The following ZNF410 variants were observed in gnomAD, a reference collection of about 807,000 sequenced individuals.
The protein encoded by ZNF410 is another partner for ARF 1.
ZNF410 carries 18 observed loss-of-function variants against 54.8 expected under a neutral mutation model. The ratio of observed to expected loss-of-function variants is 0.33; its 90% confidence interval spans 0.23 to 0.49. The LOEUF is 0.49. Ranked by LOEUF, ZNF410 falls within the 20% of genes least tolerant of loss-of-function variation. The probability of loss-of-function intolerance (pLI) is 0.99; values close to 1 mark genes in which losing one functional copy is unlikely to be tolerated. For synonymous variants in ZNF410, 191 were observed against 207.3 expected, an observed-to-expected ratio of 0.92 and a Z score of 0.68; for missense variants, 405 against 569.6, an observed-to-expected ratio of 0.71 and a Z score of 2.94.
chr14:73,908,826 C>G (rs999760237), intron 7 of ZNF410, among the ~76,000 whole-genome samples: 56 of 115,502 alleles, frequency 4.8e-4, no homozygotes, highest in African/African-American at 1.6e-3. Flanking sequence ...ATAGAGACTG[C>G]ATCTTTTTTG....
At chr14:73,912,416 C>T (rs1175133866) in intron 8 of ZNF410, among the ~76,000 whole-genome samples, 3 of 152,082 alleles carry the variant, frequency 2.0e-5, no homozygotes, top group Non-Finnish European at 2.9e-5. Flanking sequence ...CTCTGCCTGC[C>T]TTGGCCTCCC....
rs2055265237 is a variant in ZNF410, at chr14:73,893,629, C to A, written c.34-168C>A. 4 of 754,276 alleles carry A rather than the reference C, an allele frequency of 5.3e-6. No individual in the cohort carries two copies. In the South Asian group the frequency reaches 1.3e-4, roughly 25 times the overall value. 46.7% of individuals were successfully genotyped at this position (754,276 alleles called of 1,614,324 possible). ...TGACTTTATATAAATCAGCTGTTCT[C>A]TAGAACAGAGAACTTGATAAAATAA... On this transcript the variant is annotated intron_variant, in intron 2 of 11. Coordinates refer to ENST00000555044, the MANE Select transcript of ZNF410 (RefSeq NM_021188.3).
chr14:73,896,650 G>A (rs761714817), intron 4 of ZNF410, 116 bp downstream of exon 4: 9 of 810,958 alleles, frequency 1.1e-5, no homozygotes, highest in African/African-American at 1.7e-5. Context: ...TATTATTTTG[G>A]AGAATTGGTG....
At chr14:73,894,673 C>T (rs560427276) in intron 3 of ZNF410, among the ~76,000 whole-genome samples, 15 of 152,192 alleles carry the variant, frequency 9.9e-5, no homozygotes, top group South Asian at 4.2e-4. Context: ...GTGATCAGTC[C>T]GCCTTGGCCT....
intron 2 of ZNF410, chr14:73,893,562 C>T: frequency 2.4e-6 from 1 of 422,672 alleles, no homozygotes; most frequent in Non-Finnish European, 4.1e-6. Context: ...GGACCATCAT[C>T]CTATATGTGG....
At chr14:73,931,432 T>A (rs2055913275) in intron 11 of ZNF410, 71 bp from the exon 12 acceptor site, 1 of 1,414,892 alleles carries the variant, frequency 7.1e-7, no homozygotes, top group Non-Finnish European at 9.9e-7. Flanking sequence ...CTCTTAATAC[T>A]TTTTACTATG....
intron 6 of ZNF410, 66 bp from the exon 7 acceptor site, chr14:73,904,836 C>A: frequency 1.3e-6 from 2 of 1,534,658 alleles, no homozygotes; most frequent in Non-Finnish European, 1.8e-6. Context: ...TCAATAGGGG[C>A]TTTGACTTGT....
intron 3 of ZNF410, among the ~76,000 whole-genome samples, chr14:73,894,642 G>A (rs1282478460): frequency 6.6e-6 from 1 of 152,042 alleles, no homozygotes; most frequent in Non-Finnish European, 1.5e-5. Flanking sequence ...GGCCAGGCTG[G>A]TCTTGAACTC....
intron 1 of ZNF410, among the ~76,000 whole-genome samples, chr14:73,890,435 G>A (rs920461222): frequency 9.2e-5 from 14 of 151,918 alleles, no homozygotes; most frequent in African/African-American, 2.9e-4. Context: ...TGACCCACCC[G>A]CCTCGGCCTC....
intron 7 of ZNF410, among the ~76,000 whole-genome samples, chr14:73,907,649 T>G (rs1028519409): frequency 6.6e-6 from 1 of 152,064 alleles, no homozygotes; most frequent in Non-Finnish European, 1.5e-5. Context: ...CCCAGCACTT[T>G]GGGAGGCCGA....
intron 5 of ZNF410, among the ~76,000 whole-genome samples, chr14:73,900,956 C>T (rs2140301922): frequency 1.3e-5 from 2 of 152,312 alleles, no homozygotes; most frequent in African/African-American, 4.8e-5. Flanking sequence ...CACCCTTGCA[C>T]TAACATGTAA....
At chr14:73,919,597 G>A (rs2140321606) in intron 8 of ZNF410, among the ~76,000 whole-genome samples, 1 of 152,250 alleles carries the variant, frequency 6.6e-6, no homozygotes, top group Middle Eastern at 3.4e-3. Context: ...CTGCATCCAT[G>A]TTGCTGCAGA....
In ZNF410 at chr14:73,932,336, T is replaced by C. The variant is rs1308449580; in HGVS notation, c.*795T>C. ...TTTCTTAGAGATTAAGAATTTAATC[T>C]TTCCCTTTAAAATAGTGTATTGATT... On this transcript the variant is annotated 3_prime_UTR_variant, in exon 12 of 12. Transcript: ENST00000555044. The C allele has an allele frequency of 5.6e-6, 2 of 357,356 alleles. No individual in the cohort carries two copies. The highest frequency in any genetic ancestry group is 1.1e-5 in the Non-Finnish European group (2 of 183,978). The allele number at this position is 357,356 out of a possible 1,614,324, so 22.1% of individuals were successfully genotyped here. A position where few individuals can be genotyped will look rare whatever the true frequency, so the allele number is the denominator to read the frequency against.
At chr14:73,917,544 C>T (rs879521899) in intron 8 of ZNF410, among the ~76,000 whole-genome samples, 1 of 152,112 alleles carries the variant, frequency 6.6e-6, no homozygotes, top group Non-Finnish European at 1.5e-5. Flanking sequence ...GCAGTCCGGC[C>T]GGGCATGGTG....
chr14:73,918,147 T>G (rs1330853920), intron 8 of ZNF410, among the ~76,000 whole-genome samples: 1 of 152,196 alleles, frequency 6.6e-6, no homozygotes, highest in Non-Finnish European at 1.5e-5. Flanking sequence ...CTCGCTCTGT[T>G]GCCCAGGCTG....
intron 8 of ZNF410, among the ~76,000 whole-genome samples, chr14:73,919,086 A>G (rs544119009): frequency 7.6e-6 from 1 of 131,936 alleles, no homozygotes; most frequent in Non-Finnish European, 1.5e-5. Context: ...GCTCACTGCA[A>G]CTTCCACCTC....
At chr14:73,889,527 A>G (rs2055193239) in intron 1 of ZNF410, among the ~76,000 whole-genome samples, 1 of 151,762 alleles carries the variant, frequency 6.6e-6, no homozygotes, top group African/African-American at 2.4e-5. Context: ...GGTCAAACCT[A>G]GAGAGATGTA....
Position 73,931,745 on chromosome 14 carries a change from G to A in ZNF410, c.*204G>A. ...ACTACCATCTGATCAGACAAGGAAT[G>A]AAGCAATGACTGTGGGCTGGGAAAC... On this transcript the variant is annotated 3_prime_UTR_variant, in exon 12 of 12. Coordinates refer to ENST00000555044, the MANE Select transcript of ZNF410 (RefSeq NM_021188.3). 1.7e-6 allele frequency: 1 copy of A among 581,926 alleles called. No homozygotes were observed. The highest frequency in any genetic ancestry group is 2.7e-4 in the Middle Eastern group (1 of 3,740). The allele number at this position is 581,926 out of a possible 1,614,324, so 36.0% of individuals were successfully genotyped here.
At chr14:73,899,262 T>C (rs2055369633) in intron 5 of ZNF410, among the ~76,000 whole-genome samples, 1 of 151,938 alleles carries the variant, frequency 6.6e-6, no homozygotes, top group South Asian at 2.1e-4. Context: ...AATCTTTTTT[T>C]TTTTTGGTCT....
Sources: gnomAD v4.1 joint callset for allele counts (sites outside exome capture counted in the v4.1 genomes callset) on GRCh38, gnomAD v4.1.1 for gene constraint, MANE v1.5 for transcripts, NCBI Gene and HGNC (gene_info 2026-07-23, HGNC 2026-07-21) for gene names.